Variants in TEAD1 observed in about 807,000 individuals in gnomAD.
TEAD1 encodes the protein transcriptional enhancer factor TEF-1.
A neutral mutation model predicts 54.9 loss-of-function variants in TEAD1; 9 were observed. The ratio of observed to expected loss-of-function variants is 0.16; its 90% CI spans 0.10 to 0.29. The LOEUF (loss-of-function observed/expected upper bound fraction) is 0.29, where lower values mean the gene tolerates loss of function less well. Ranked by LOEUF, TEAD1 falls within the 10% of genes least tolerant of loss-of-function variation. The pLI is 1.00. For missense variants in TEAD1, 387 were observed against 535.9 expected, an observed-to-expected ratio of 0.72 and a Z score of 2.74; for synonymous variants, 200 against 187.8, an observed-to-expected ratio of 1.07 and a Z score of -0.53.
At chr11:12,680,181 G>C (rs1027480910) in intron 2 of TEAD1, among the ~76,000 whole-genome samples, 2 of 152,180 alleles carry the variant, frequency 1.3e-5, no homozygotes, top group Admixed American at 1.3e-4. Flanking sequence ...TGTGAAGGGA[G>C]TCGTCTTTGA....
intron 10 of TEAD1, among the ~76,000 whole-genome samples, chr11:12,908,619 G>C (rs1000565926): frequency 2.0e-5 from 3 of 152,168 alleles, no homozygotes; most frequent in Non-Finnish European, 4.4e-5. Context: ...TGGAGTCTAA[G>C]TCTTAACTAG....
chr11:12,785,536 A>G (rs143248812), intron 3 of TEAD1, among the ~76,000 whole-genome samples: 10 of 152,356 alleles, frequency 6.6e-5, no homozygotes, highest in African/African-American at 2.4e-4. Flanking sequence ...AAACAGAAAT[A>G]AACCTTAGGC....
intron 2 of TEAD1, among the ~76,000 whole-genome samples, chr11:12,710,107 A>G (rs1051570863): frequency 2.6e-5 from 4 of 152,038 alleles, no homozygotes; most frequent in African/African-American, 9.7e-5. Context: ...TAGGAGGGTC[A>G]CTTGAGCCCA....
chr11:12,864,637 G>T, intron 4 of TEAD1: 2 of 1,273,374 alleles, frequency 1.6e-6, no homozygotes, highest in Non-Finnish European at 1.0e-6. Flanking sequence ...GTTTTGTTTT[G>T]TTTTGTTTTG....
chr11:12,744,205 T>C (rs1204700856), intron 2 of TEAD1, among the ~76,000 whole-genome samples: 1 of 152,178 alleles, frequency 6.6e-6, no homozygotes, highest in African/African-American at 2.4e-5. Context: ...AAATACTGTG[T>C]ATACAGTGTG....
chr11:12,743,867 A>G (rs994421096), intron 2 of TEAD1, among the ~76,000 whole-genome samples: 11 of 152,204 alleles, frequency 7.2e-5, no homozygotes, highest in African/African-American at 2.7e-4. Flanking sequence ...CTTGTTGAAT[A>G]GTGAGGAGAC....
intron 3 of TEAD1, among the ~76,000 whole-genome samples, chr11:12,790,036 T>C (rs1182260697): frequency 6.6e-6 from 1 of 152,262 alleles, no homozygotes; most frequent in Non-Finnish European, 1.5e-5. Flanking sequence ...GCATGTATGC[T>C]ACAGGTTTCA....
intron 5 of TEAD1, among the ~76,000 whole-genome samples, chr11:12,867,704 C>T (rs776700728): frequency 2.6e-5 from 4 of 152,236 alleles, no homozygotes; most frequent in South Asian, 2.1e-4. Context: ...GCATCTTTAC[C>T]GAGGTCATCA....
chr11:12,887,347 G>T (rs537057249), intron 9 of TEAD1, among the ~76,000 whole-genome samples: 1 of 151,892 alleles, frequency 6.6e-6, no homozygotes, highest in East Asian at 1.9e-4. Flanking sequence ...TGCCCGCCTC[G>T]GCCTCCCAAA....
intron 3 of TEAD1, among the ~76,000 whole-genome samples, chr11:12,792,571 G>C (rs1006345264): frequency 6.6e-6 from 1 of 152,120 alleles, no homozygotes; most frequent in African/African-American, 2.4e-5. Flanking sequence ...AGAAGTCCTG[G>C]TTTTAGAACA....
At chr11:12,778,327 A>G (rs1008454294) in intron 3 of TEAD1, among the ~76,000 whole-genome samples, 4 of 152,118 alleles carry the variant, frequency 2.6e-5, no homozygotes, top group Non-Finnish European at 4.4e-5. Flanking sequence ...CAGGTAAACA[A>G]TAGAAAAGAA....
intron 3 of TEAD1, among the ~76,000 whole-genome samples, chr11:12,855,517 T>C (rs1947359168): frequency 6.6e-6 from 1 of 152,002 alleles, no homozygotes; most frequent in Non-Finnish European, 1.5e-5. Context: ...CTTGATCTCC[T>C]GACTGCGTGA....
At chr11:12,684,613 C>G (rs550864410) in intron 2 of TEAD1, among the ~76,000 whole-genome samples, 2 of 152,274 alleles carry the variant, frequency 1.3e-5, no homozygotes, top group South Asian at 4.2e-4. Context: ...TCTCTGTGCC[C>G]GCAGTTTCCC....
At chr11:12,791,113 A>G (rs563704127) in intron 3 of TEAD1, among the ~76,000 whole-genome samples, 1 of 152,336 alleles carries the variant, frequency 6.6e-6, no homozygotes, top group Admixed American at 6.5e-5. Flanking sequence ...ATTGGATGTT[A>G]GGACACCCTA....
At chr11:12,677,287 G>T (rs1450485775) in intron 2 of TEAD1, among the ~76,000 whole-genome samples, 2 of 152,032 alleles carry the variant, frequency 1.3e-5, no homozygotes, top group Admixed American at 6.5e-5. Context: ...TCACTGAGAG[G>T]CTTTTCCTTG....
intron 3 of TEAD1, among the ~76,000 whole-genome samples, chr11:12,782,029 A>G (rs1413318702): frequency 6.6e-6 from 1 of 151,422 alleles, no homozygotes; most frequent in Non-Finnish European, 1.5e-5. Flanking sequence ...GCACACCTGT[A>G]GCCCCTGCTA....
intron 10 of TEAD1, among the ~76,000 whole-genome samples, chr11:12,909,077 A>G (rs1484832023): frequency 3.9e-5 from 6 of 152,178 alleles, no homozygotes; most frequent in Non-Finnish European, 5.9e-5. Context: ...ACAAAACAAA[A>G]AACAATCTTC....
Position 12,805,793 on chromosome 11 carries a change from T to G in TEAD1, c.202+41359T>G, listed in dbSNP as rs369094327. 1.1e-3 allele frequency among the ~76,000 whole-genome samples: 172 copies of G among 152,374 alleles called. 1 individual carries two copies. Among genetic ancestry groups the G allele is most frequent in the African/African-American group, 3.7e-3 (154 of 41,592 alleles). On this transcript the variant is annotated intron_variant, in intron 3 of 12. Coordinates refer to ENST00000527636, the MANE Select transcript of TEAD1 (RefSeq NM_021961.6). ...AGCTGAAGCATTGATTGATACACCT[T>G]GTACCTTCCAAAGAATTGATCTGTT...
At chr11:12,723,528 T>C (rs1379568508) in intron 2 of TEAD1, among the ~76,000 whole-genome samples, 2 of 152,190 alleles carry the variant, frequency 1.3e-5, no homozygotes, top group Non-Finnish European at 2.9e-5. Flanking sequence ...AACTTCCTTA[T>C]AGGTCATAAG....
Sources: allele counts gnomAD v4.1 joint callset (sites outside exome capture counted in the v4.1 genomes callset), GRCh38; gene constraint gnomAD v4.1.1; transcripts MANE v1.5; gene names NCBI Gene and HGNC (gene_info 2026-07-23, HGNC 2026-07-21).